ERRFI1: variants seen among roughly 807,000 people sequenced by gnomAD.
ERRFI1 encodes the protein ERBB receptor feedback inhibitor 1.
ERRFI1 carries 12 observed loss-of-function variants against 14.6 expected under a neutral mutation model. The ratio of observed to expected loss-of-function variants is 0.82; its 90% CI spans 0.53 to 1.33. The LOEUF (loss-of-function observed/expected upper bound fraction) is 1.33, where lower values mean the gene tolerates loss of function less well. Ranked by LOEUF, ERRFI1 falls within the 40% of genes most tolerant of loss-of-function variation. The pLI is 0.00. For synonymous variants in ERRFI1, 202 were observed against 209.9 expected (o/e 0.96, Z 0.32); for missense variants, 482 against 572.1 (o/e 0.84, Z 1.61).
intron 1 of ERRFI1, 121 bp from the exon 2 acceptor site, chr1:8,015,813 T>C (rs1641165531): frequency 1.6e-6 from 1 of 621,088 alleles, no homozygotes; most frequent in Admixed American, 3.1e-5. Context: ...AAAAATTAGT[T>C]GTAGACTTTC....
At chr1:8,018,572 G>T (rs1413639693) in intron 1 of ERRFI1, among the ~76,000 whole-genome samples, 1 of 152,232 alleles carries the variant, frequency 6.6e-6, no homozygotes, top group East Asian at 1.9e-4. Flanking sequence ...ATTATGTTAT[G>T]GAATCCAAGA....
At chr1:8,022,315 T>C (rs1641284595) in intron 1 of ERRFI1, among the ~76,000 whole-genome samples, 1 of 152,238 alleles carries the variant, frequency 6.6e-6, no homozygotes, top group South Asian at 2.1e-4. Context: ...CCTTTTAACA[T>C]GCTTTCACAG....
At position 8,013,434 on chromosome 1, in the gene ERRFI1, CCTT is replaced by C. The variant is rs1641117769; in HGVS notation, c.1162_1164del (p.Lys388del). On this transcript the variant is annotated inframe_deletion, in exon 4 of 4. Transcript: ENST00000377482. The surrounding 1 kb of genome is among the most constrained non-coding windows in gnomAD (Gnocchi z 4.3). ...AGTAGGTAATAATGTGTTGAACTAA[CCTT>C]CTTCCCATTTTCAATAATGGGCAGA... 1.9e-6 allele frequency: 3 copies of C among 1,614,212 alleles called. No homozygotes were observed. Among genetic ancestry groups the C allele is most frequent in the Non-Finnish European group, 2.5e-6 (3 of 1,180,048 alleles).
Position 8,015,483 on chromosome 1 carries a change from T to A in ERRFI1, c.125+12A>T. 2 of 1,614,094 alleles carry A rather than the reference T, an allele frequency of 1.2e-6. No homozygotes were observed. The highest frequency in any genetic ancestry group is 2.7e-5 in the African/African-American group (2 of 75,050). On this transcript the variant is annotated intron_variant, in intron 2 of 3. Transcript: ENST00000377482. Reference sequence around the variant, plus strand: ...TTATCCAGATTACAGCAGCATTACATCCTCTACTTACTTTTTAAACTCACT... The same window carrying A: ...TTATCCAGATTACAGCAGCATTACAACCTCTACTTACTTTTTAAACTCACT...
At chr1:8,019,946 T>C (rs566377247) in intron 1 of ERRFI1, among the ~76,000 whole-genome samples, 38 of 152,266 alleles carry the variant, frequency 2.5e-4, no homozygotes, top group African/African-American at 8.7e-4. Context: ...TTCTAGACTG[T>C]GTTTTTGCTG....
chr1:8,013,437 T>C lies in ERRFI1; in HGVS notation c.1162A>G (p.Lys388Glu), dbSNP rs1389001485. ...AGGTAATAATGTGTTGAACTAACCT[T>C]CTTCCCATTTTCAATAATGGGCAGA... ...CILPIIENGK[K>E]VSSTHYYLLP... The change falls in exon 4 of 4, where the codon AAG becomes GAG. Residue 388 changes from lysine (K) to glutamate (E), a missense_variant. Transcript: ENST00000377482. The surrounding 1 kb of genome is among the most constrained non-coding windows in gnomAD (Gnocchi z 4.3). 6.2e-7 allele frequency: 1 copy of C among 1,614,214 alleles called. No individual in the cohort carries two copies. Among genetic ancestry groups the C allele is most frequent in the South Asian group, 1.1e-5 (1 of 91,088 alleles).
At chr1:8,014,967 C>T in intron 3 of ERRFI1, 1 of 260,810 alleles carries the variant, frequency 3.8e-6, no homozygotes, top group South Asian at 8.5e-5. Flanking sequence ...TACTGTCAAA[C>T]ATGCATTCGA....
chr1:8,025,818 C>T (rs1641338650), intron 1 of ERRFI1, among the ~76,000 whole-genome samples: 1 of 152,158 alleles, frequency 6.6e-6, no homozygotes, highest in South Asian at 2.1e-4. Flanking sequence ...ATCCCGGGCG[C>T]TCGGGTGCAT....
intron 1 of ERRFI1, among the ~76,000 whole-genome samples, chr1:8,025,117 G>T (rs1425069322): frequency 1.3e-5 from 2 of 152,262 alleles, no homozygotes; most frequent in South Asian, 4.1e-4. Context: ...TGTGTTGCAG[G>T]TGTACCTCAA....
intron 1 of ERRFI1, among the ~76,000 whole-genome samples, chr1:8,016,856 C>A (rs1305281351): frequency 1.3e-5 from 2 of 151,800 alleles, no homozygotes; most frequent in African/African-American, 2.4e-5. Context: ...AAAGGCTGGG[C>A]ACTGTGCAAA....
intron 1 of ERRFI1, among the ~76,000 whole-genome samples, chr1:8,020,681 A>C (rs964425557): frequency 9.9e-5 from 15 of 151,294 alleles, no homozygotes; most frequent in African/African-American, 3.6e-4. Flanking sequence ...AGTAGCTGGG[A>C]TTACAGGCAT....
In ERRFI1 at chr1:8,012,914, C is replaced by T. The variant is rs1641106563; in HGVS notation, c.*296G>A. ...CTGCAGCTATGGTCTATGGTTATACCACAAGTTTATATATAGGTATGTAAT... is the reference window on the plus strand; with the variant it reads ...CTGCAGCTATGGTCTATGGTTATACTACAAGTTTATATATAGGTATGTAAT... On this transcript the variant is annotated 3_prime_UTR_variant, in exon 4 of 4. Coordinates refer to ENST00000377482, the MANE Select transcript of ERRFI1 (RefSeq NM_018948.4). 1.4e-5 allele frequency: 5 copies of T among 357,422 alleles called. No homozygotes were observed. Among genetic ancestry groups the T allele is most frequent in the South Asian group, 1.2e-4 (2 of 16,716 alleles). The allele number at this position is 357,422 out of a possible 1,614,324, so 22.1% of individuals were successfully genotyped here.
At chr1:8,024,519 G>A (rs1270000870) in intron 1 of ERRFI1, among the ~76,000 whole-genome samples, 1 of 152,216 alleles carries the variant, frequency 6.6e-6, no homozygotes, top group African/African-American at 2.4e-5. Flanking sequence ...TAAGATAGAA[G>A]CTATACAAGG....
Position 8,015,700 on chromosome 1 carries a change from G to A in ERRFI1, c.-73-8C>T, listed in dbSNP as rs1641164083. The A allele has an allele frequency of 1.3e-6, 2 of 1,559,280 alleles. No homozygotes were observed. Among genetic ancestry groups the A allele is most frequent in the Non-Finnish European group, 1.8e-6 (2 of 1,138,186 alleles). ...ACCAGTAGCTTTCATTCCCTGGGAG[G>A]TAGAAGAGATGAGAGAATAAAGAAA... On this transcript the variant is annotated splice_polypyrimidine_tract_variant and splice_region_variant and intron_variant, in intron 1 of 3. Transcript: ENST00000377482.
At chr1:8,015,940 C>T (rs1235535368) in intron 1 of ERRFI1, among the ~76,000 whole-genome samples, 3 of 152,074 alleles carry the variant, frequency 2.0e-5, no homozygotes, top group African/African-American at 7.2e-5. Flanking sequence ...TAATCTATTG[C>T]CAGCAAAAGC....
chr1:8,013,400 C>T lies in ERRFI1; in HGVS notation c.1199G>A (p.Arg400Gln), dbSNP rs770845999. 6 of 1,614,156 alleles carry T rather than the reference C, an allele frequency of 3.7e-6. No homozygotes were observed. In the South Asian group the frequency reaches 4.4e-5, roughly 12 times the overall value. ...SSTHYYLLPE[R>Q]PPYLDKYEKF... Reference sequence around the variant, plus strand: ...TTCATATTTGTCCAGGTATGGTGGTCGTTCAGGTAGTAGGTAATAATGTGT... The same window carrying T: ...TTCATATTTGTCCAGGTATGGTGGTTGTTCAGGTAGTAGGTAATAATGTGT... The change falls in exon 4 of 4, where the codon CGA becomes CAA. Residue 400 changes from arginine (R) to glutamine (Q), a missense_variant. Transcript: ENST00000377482. This position sits in a 1 kb window ranked among gnomAD's most constrained non-coding sequence, Gnocchi z 4.3.
At position 8,014,069 on chromosome 1, in the gene ERRFI1, G is replaced by A. The variant is rs2124060233; in HGVS notation, c.530C>T (p.Ser177Leu). ...TDCEVEFLTS[S>L]DTDFLLEDST... ...GTCTTCTAAAAGGAAGTCTGTATCT[G>A]AGCTAGTTAGGAATTCCACCTCACA... The change falls in exon 4 of 4, where the codon TCA (serine) becomes TTA (leucine). Residue 177 changes from serine to leucine, a missense_variant. By Grantham distance (145) the Ser-to-Leu change is moderately radical. Transcript: ENST00000377482. 1 of 1,614,144 alleles carries A rather than the reference G, an allele frequency of 6.2e-7. No individual in the cohort carries two copies. Among genetic ancestry groups the A allele is most frequent in the African/African-American group, 1.3e-5 (1 of 75,016 alleles).
In ERRFI1 at chr1:8,016,901, GT is replaced by G. The variant is rs770570747; in HGVS notation, c.-73-1210del. Among the ~76,000 whole-genome samples the G allele has an allele frequency of 4.1e-3, 577 of 140,768 alleles. 5 individuals carry two copies. The highest frequency in any genetic ancestry group is 0.011 in the Middle Eastern group (3 of 276). 92.3% of individuals were successfully genotyped at this position (140,768 alleles called of 152,430 possible). A position where few individuals can be genotyped will look rare whatever the true frequency, so the allele number is the denominator to read the frequency against. Reference sequence around the variant, plus strand: ...TTTGCTGTGGGGGAGAGGTACACAGGTTTTTTTTTTTGTTTTTTTTTTTGCT... The same window carrying G: ...TTTGCTGTGGGGGAGAGGTACACAGGTTTTTTTTTTGTTTTTTTTTTTGCT... On this transcript the variant is annotated intron_variant, in intron 1 of 3. Coordinates refer to ENST00000377482, the MANE Select transcript of ERRFI1 (RefSeq NM_018948.4).
At position 8,013,866 on chromosome 1, in the gene ERRFI1, T is replaced by A; in HGVS notation, c.733A>T (p.Arg245Ter). The A allele has an allele frequency of 6.2e-7, 1 of 1,614,118 alleles. No homozygotes were observed. The highest frequency in any genetic ancestry group is 8.5e-7 in the Non-Finnish European group (1 of 1,180,002). ...PNPPPPQTHR[R>*]LRRSHSGPAG... ...GGTCCCGAATGAGACCTTCTTAATC[T>A]TCGGTGGGTCTGAGGTGGAGGAGGA... Residue 245 changes from arginine (R) to a stop codon, truncating the protein, a stop_gained, in exon 4 of 4, where the codon AGA becomes TGA. Coordinates refer to ENST00000377482, the MANE Select transcript of ERRFI1 (RefSeq NM_018948.4). LOFTEE classifies it high-confidence loss of function. The surrounding 1 kb of genome is among the most constrained non-coding windows in gnomAD (Gnocchi z 4.3).
Sources: gnomAD v4.1 joint callset for allele counts (sites outside exome capture counted in the v4.1 genomes callset) on GRCh38, gnomAD v4.1.1 for gene constraint, Gnocchi (gnomAD v3.1) non-coding constraint, MANE v1.5 for transcripts, NCBI Gene and HGNC (gene_info 2026-07-23, HGNC 2026-07-21) for gene names.